The following TBC1D22A variants were observed in gnomAD, a reference collection of about 807,000 sequenced individuals.
The protein encoded by TBC1D22A is TBC1 domain family member 22A.
TBC1D22A carries 38 observed loss-of-function variants against 60.2 expected under a neutral mutation model. That is an observed-to-expected ratio of 0.63 (90% CI 0.49 to 0.83). TBC1D22A has a LOEUF of 0.83. Among genes scored for constraint, TBC1D22A ranks in the 40% least tolerant of loss-of-function variants. TBC1D22A has a pLI of 0.00. For missense variants in TBC1D22A, 628 were observed against 701.0 expected, an observed-to-expected ratio of 0.90 and a Z score of 1.18; for synonymous variants, 302 against 281.7, an observed-to-expected ratio of 1.07 and a Z score of -0.72.
At chr22:46,866,012 G>A (rs191381982) in intron 4 of TBC1D22A, among the ~76,000 whole-genome samples, 87 of 152,270 alleles carry the variant, frequency 5.7e-4, no homozygotes, top group Admixed American at 7.2e-4. Context: ...AGGAGAAACC[G>A]TTGAAGTTCT....
chr22:47,059,873 G>A (rs1204831028), intron 11 of TBC1D22A, among the ~76,000 whole-genome samples: 2 of 152,204 alleles, frequency 1.3e-5, no homozygotes, highest in African/African-American at 4.8e-5. Flanking sequence ...CACAGTTTCA[G>A]TTATGCAAAC....
At chr22:46,826,799 C>G (rs1268646518) in intron 4 of TBC1D22A, among the ~76,000 whole-genome samples, 2 of 152,190 alleles carry the variant, frequency 1.3e-5, no homozygotes, top group South Asian at 4.1e-4. Context: ...ACCCACGCAG[C>G]AGAGTCAGGA....
At chr22:47,128,602 A>G (rs2147110032) in intron 12 of TBC1D22A, among the ~76,000 whole-genome samples, 1 of 151,872 alleles carries the variant, frequency 6.6e-6, no homozygotes, top group South Asian at 2.1e-4. Flanking sequence ...GCTGCAGAAA[A>G]TCGATTTTCG....
intron 4 of TBC1D22A, among the ~76,000 whole-genome samples, chr22:46,875,073 A>G (rs1476632652): frequency 6.6e-6 from 1 of 152,228 alleles, no homozygotes; most frequent in African/African-American, 2.4e-5. Flanking sequence ...CCTAGGAGAA[A>G]TGGAGACATA....
intron 1 of TBC1D22A, among the ~76,000 whole-genome samples, chr22:46,784,978 A>G (rs1430554382): frequency 1.3e-5 from 2 of 152,228 alleles, no homozygotes; most frequent in Non-Finnish European, 2.9e-5. Context: ...TTTAAACCTG[A>G]AAGCTTTCTA....
intron 9 of TBC1D22A, among the ~76,000 whole-genome samples, chr22:46,988,763 C>T (rs2074822550): frequency 6.6e-6 from 1 of 152,200 alleles, no homozygotes; most frequent in South Asian, 2.1e-4. Context: ...CTAGGATTTT[C>T]AGAATGGTAA....
chr22:47,081,928 C>A (rs534780389), intron 11 of TBC1D22A, among the ~76,000 whole-genome samples: 1 of 152,236 alleles, frequency 6.6e-6, no homozygotes, highest in Non-Finnish European at 1.5e-5. Flanking sequence ...GAGGCCGAGG[C>A]GGGTGGATCA....
rs577686730 is a variant in TBC1D22A, at chr22:47,023,041, A to G, written c.1202-14030A>G. 7.2e-5 allele frequency among the ~76,000 whole-genome samples: 11 copies of G among 152,376 alleles called. No individual in the cohort carries two copies. The South Asian group carries it at 2.3e-3, about 32-fold the overall frequency. On this transcript the variant is annotated intron_variant, in intron 10 of 12. Coordinates refer to ENST00000337137, the MANE Select transcript of TBC1D22A (RefSeq NM_014346.5). ...TCGCAGATAATGAGAACAAAAGTCA[A>G]TCATAACTGACCCAGAAATGGTACA...
chr22:47,020,265 C>T (rs1478701124), intron 10 of TBC1D22A, among the ~76,000 whole-genome samples: 1 of 152,198 alleles, frequency 6.6e-6, no homozygotes, highest in Non-Finnish European at 1.5e-5. Context: ...AGCTGACCAG[C>T]AGCCGGTGGT....
intron 11 of TBC1D22A, among the ~76,000 whole-genome samples, chr22:47,081,555 C>T (rs2064468601): frequency 6.6e-6 from 1 of 152,032 alleles, no homozygotes; most frequent in South Asian, 2.1e-4. Context: ...CTCAATTGTC[C>T]TTTGGATTAT....
chr22:46,987,932 G>T (rs1569307847), intron 9 of TBC1D22A, among the ~76,000 whole-genome samples: 2 of 152,112 alleles, frequency 1.3e-5, no homozygotes, highest in Non-Finnish European at 2.9e-5. Context: ...GTTCTCCCAA[G>T]CCCTGCCACT....
intron 10 of TBC1D22A, among the ~76,000 whole-genome samples, chr22:47,021,315 C>T (rs60833086): frequency 9.4e-5 from 11 of 116,582 alleles, no homozygotes; most frequent in South Asian, 2.8e-4. Context: ...CTAGCAGAAC[C>T]CCACCTGTAG....
intron 11 of TBC1D22A, among the ~76,000 whole-genome samples, chr22:47,051,398 C>T (rs1023241902): frequency 3.9e-5 from 6 of 152,100 alleles, no homozygotes; most frequent in African/African-American, 1.2e-4. Flanking sequence ...ACTGTCTTTC[C>T]GTCCTTAAAG....
At position 47,066,890 on chromosome 22, in the gene TBC1D22A, C is replaced by T. The variant is rs118188551; in HGVS notation, c.1329+29692C>T. ...ACTGCAAATCCTGTCTCGAATGGGC[C>T]GTGCCTATTAAAAGGGTTTGACTCC... On this transcript the variant is annotated intron_variant, in intron 11 of 12. Transcript: ENST00000337137. Among the ~76,000 whole-genome samples the T allele has an allele frequency of 2.2e-4, 34 of 152,246 alleles. No individual in the cohort carries two copies. In the East Asian group the frequency reaches 5.4e-3, roughly 24 times the overall value.
At chr22:46,941,791 A>AAT (rs1555960407) in intron 8 of TBC1D22A, among the ~76,000 whole-genome samples, 8,388 of 139,512 alleles carry the variant, frequency 0.06, 456 homozygotes, top group Non-Finnish European at 0.094. Context: ...ATATATATAG[A>AAT]ATATATAGAA....
chr22:47,138,926 C>T (rs1274263111), intron 12 of TBC1D22A, among the ~76,000 whole-genome samples: 1 of 152,202 alleles, frequency 6.6e-6, no homozygotes, highest in Admixed American at 6.5e-5. Context: ...TTCCCAAAGA[C>T]CCCGCTTCCT....
chr22:46,897,116 G>C (rs940814769), intron 7 of TBC1D22A, among the ~76,000 whole-genome samples: 17 of 152,174 alleles, frequency 1.1e-4, no homozygotes, highest in African/African-American at 4.1e-4. Context: ...GGTTCTTGGT[G>C]CTTTGAACAA....
At chr22:47,041,822 T>G (rs1197213637) in intron 11 of TBC1D22A, among the ~76,000 whole-genome samples, 1 of 152,224 alleles carries the variant, frequency 6.6e-6, no homozygotes, top group Non-Finnish European at 1.5e-5. Flanking sequence ...TCACAACTTC[T>G]CTGCTGTTGA....
intron 12 of TBC1D22A, among the ~76,000 whole-genome samples, chr22:47,168,531 CA>C (rs1393503379): frequency 6.6e-6 from 1 of 152,232 alleles, no homozygotes; most frequent in East Asian, 1.9e-4. Flanking sequence ...TGGGGTCAGG[CA>C]GCATTGGGGG....
Sources: gnomAD v4.1 joint callset for allele counts (sites outside exome capture counted in the v4.1 genomes callset) on GRCh38, gnomAD v4.1.1 for gene constraint, MANE v1.5 for transcripts, NCBI Gene and HGNC (gene_info 2026-07-23, HGNC 2026-07-21) for gene names.